The following NDST4 variants were observed in gnomAD, a reference collection of about 807,000 sequenced individuals.
NDST4 encodes the protein N-heparan sulfate sulfotransferase 4.
Under a neutral mutation model 100.8 loss-of-function variants are expected in NDST4, and 63 were observed. The observed-to-expected ratio is 0.62, with a 90% confidence interval of 0.51 to 0.77. NDST4 has a LOEUF of 0.77. Ranked by LOEUF, NDST4 falls within the 30% of genes least tolerant of loss-of-function variation. The pLI, the probability that NDST4 is intolerant of heterozygous loss-of-function variation, is 0.00. For missense variants in NDST4, 943 were observed against 1,018.4 expected, an observed-to-expected ratio of 0.93 and a Z score of 1.01; for synonymous variants, 377 against 361.8, an observed-to-expected ratio of 1.04 and a Z score of -0.48.
At chr4:114,896,582 C>A (rs995879450) in intron 6 of NDST4, among the ~76,000 whole-genome samples, 4 of 150,186 alleles carry the variant, frequency 2.7e-5, no homozygotes, top group African/African-American at 9.9e-5. Flanking sequence ...CAAGATTGCG[C>A]CACTGCACTC....
At chr4:115,013,072 G>C (rs201412630) in intron 2 of NDST4, among the ~76,000 whole-genome samples, 1 of 141,186 alleles carries the variant, frequency 7.1e-6, no homozygotes, top group African/African-American at 3.1e-5. Context: ...GTACTGGGTG[G>C]GGGTAGGGGG....
intron 1 of NDST4, among the ~76,000 whole-genome samples, chr4:115,080,655 C>A (rs1254934113): frequency 1.3e-5 from 2 of 151,556 alleles, no homozygotes; most frequent in African/African-American, 4.9e-5. Flanking sequence ...AATAAAAACT[C>A]ATTAAAAGAT....
At chr4:115,064,457 A>T (rs2126284849) in intron 2 of NDST4, among the ~76,000 whole-genome samples, 1 of 152,174 alleles carries the variant, frequency 6.6e-6, no homozygotes, top group South Asian at 2.1e-4. Context: ...TACATCTCAC[A>T]GTGATGGTAG....
At chr4:115,051,271 T>A (rs989447354) in intron 2 of NDST4, among the ~76,000 whole-genome samples, 4 of 152,164 alleles carry the variant, frequency 2.6e-5, no homozygotes, top group African/African-American at 9.6e-5. Context: ...AGGATAAACA[T>A]CTGTAAATTT....
intron 4 of NDST4, among the ~76,000 whole-genome samples, chr4:114,940,722 T>C (rs1725731187): frequency 2.0e-5 from 3 of 151,922 alleles, no homozygotes; most frequent in African/African-American, 4.8e-5. Context: ...TGAGGAAGAG[T>C]CAGGTCCTAT....
At position 115,022,097 on chromosome 4, in the gene NDST4, C is replaced by T. The variant is rs145465268; in HGVS notation, c.979-44823G>A. On this transcript the variant is annotated intron_variant, in intron 2 of 13. Coordinates refer to ENST00000264363, the MANE Select transcript of NDST4 (RefSeq NM_022569.3). The stretch of plus-strand genomic sequence containing the variant: ...CGTCTATACACGTTCCATATATACA[C>T]GTTCCACGTCTATACACGTTCCATA... 3.0e-4 allele frequency among the ~76,000 whole-genome samples: 41 copies of T among 135,746 alleles called. No homozygotes were observed. In the East Asian group the frequency reaches 6.3e-3, roughly 21 times the overall value. 89.1% of individuals were successfully genotyped at this position (135,746 alleles called of 152,430 possible). A position where few individuals can be genotyped will look rare whatever the true frequency, so the allele number is the denominator to read the frequency against.
chr4:114,973,479 T>C (rs1726561171), intron 3 of NDST4, among the ~76,000 whole-genome samples: 1 of 151,938 alleles, frequency 6.6e-6, no homozygotes, highest in Non-Finnish European at 1.5e-5. Context: ...TAATCTGATC[T>C]AGATCCTGGT....
chr4:114,852,772 G>GT lies in NDST4; in HGVS notation c.1768dup (p.Thr590AsnfsTer3). ...TAGAAATTTTGGTAAGTGGTCACAA[G>GT]TTTTCTCTCTGGACCAGATGTCTTT... On this transcript the variant is annotated frameshift_variant, in exon 8 of 14. Coordinates refer to ENST00000264363, the MANE Select transcript of NDST4 (RefSeq NM_022569.3). LOFTEE classifies it high-confidence loss of function. 1.2e-6 allele frequency: 2 copies of GT among 1,612,818 alleles called. No homozygotes were observed. Among genetic ancestry groups the GT allele is most frequent in the African/African-American group, 1.3e-5 (1 of 74,954 alleles).
intron 6 of NDST4, among the ~76,000 whole-genome samples, chr4:114,898,732 C>A (rs1724769621): frequency 6.9e-6 from 1 of 145,078 alleles, no homozygotes; most frequent in Non-Finnish European, 1.5e-5. Context: ...GCATAGTTTT[C>A]CTCACGTAAA....
chr4:114,880,428 A>G (rs985775519), intron 6 of NDST4, among the ~76,000 whole-genome samples: 18 of 152,124 alleles, frequency 1.2e-4, no homozygotes, highest in Non-Finnish European at 2.2e-4. Flanking sequence ...CCATGTTGCA[A>G]TGATGCCACA....
At chr4:115,090,867 T>C (rs1475928747) in intron 1 of NDST4, among the ~76,000 whole-genome samples, 1 of 151,980 alleles carries the variant, frequency 6.6e-6, no homozygotes, top group African/African-American at 2.4e-5. Flanking sequence ...GTTAAAATAC[T>C]AATTTTGCCA....
chr4:114,902,627 T>G (rs1399874428), intron 6 of NDST4, among the ~76,000 whole-genome samples: 1 of 152,048 alleles, frequency 6.6e-6, no homozygotes, highest in Non-Finnish European at 1.5e-5. Context: ...TTTGCGGAAA[T>G]TATCTGTCAT....
chr4:114,943,310 T>C (rs1347191099), intron 4 of NDST4, among the ~76,000 whole-genome samples: 1 of 151,764 alleles, frequency 6.6e-6, no homozygotes, highest in Non-Finnish European at 1.5e-5. Context: ...ATATCTGCAC[T>C]TTTACCATCA....
intron 6 of NDST4, among the ~76,000 whole-genome samples, chr4:114,908,430 G>A (rs780017106): frequency 6.6e-5 from 10 of 151,904 alleles, no homozygotes; most frequent in Admixed American, 2.6e-4. Context: ...CATATCAGTC[G>A]AATTTAATTC....
intron 7 of NDST4, among the ~76,000 whole-genome samples, chr4:114,860,718 T>C (rs1723900867): frequency 6.6e-6 from 1 of 152,226 alleles, no homozygotes; most frequent in East Asian, 1.9e-4. Flanking sequence ...ATCTTCATTT[T>C]ATTTAGCCAA....
chr4:114,854,089 C>G (rs1212947444), intron 7 of NDST4, among the ~76,000 whole-genome samples: 1 of 152,146 alleles, frequency 6.6e-6, no homozygotes, highest in Non-Finnish European at 1.5e-5. Context: ...TTTTTGCACC[C>G]ATTAACGATC....
At chr4:114,998,916 C>A in intron 2 of NDST4, among the ~76,000 whole-genome samples, 1 of 152,110 alleles carries the variant, frequency 6.6e-6, no homozygotes, top group Non-Finnish European at 1.5e-5. Flanking sequence ...TGTGATTTCC[C>A]CCTATTGTGT....
chr4:114,902,815 G>A (rs1724874316), intron 6 of NDST4, among the ~76,000 whole-genome samples: 1 of 151,736 alleles, frequency 6.6e-6, no homozygotes, highest in African/African-American at 2.4e-5. Context: ...ATATTTTCAA[G>A]CTCAGAGATT....
In NDST4 at chr4:114,937,441, C is replaced by G; in HGVS notation, c.1284G>C (p.Pro428=). The G allele has an allele frequency of 6.2e-7, 1 of 1,612,316 alleles. No individual in the cohort carries two copies. The highest frequency in any genetic ancestry group is 8.5e-7 in the Non-Finnish European group (1 of 1,179,100). ...AAGCTGCATACAGCTGAATGTGAACCGGGTAGACCCCTGAGTGATGTGGGG... is the reference window on the plus strand; with the variant it reads ...AAGCTGCATACAGCTGAATGTGAACGGGGTAGACCCCTGAGTGATGTGGGG... The part of the protein sequence containing the change: ...AVAPHHSGVY[P]VHIQLYAAWK... Residue 428 remains proline, a synonymous_variant, in exon 5 of 14, where the codon CCG becomes CCC. Transcript: ENST00000264363.
Sources: allele counts gnomAD v4.1 joint callset (sites outside exome capture counted in the v4.1 genomes callset), GRCh38; gene constraint gnomAD v4.1.1; transcripts MANE v1.5; gene names NCBI Gene and HGNC (gene_info 2026-07-23, HGNC 2026-07-21).